ALK: variants seen among roughly 807,000 people sequenced by gnomAD.
ALK encodes the protein ALK tyrosine kinase receptor.
Under a neutral mutation model 163.1 loss-of-function variants are expected in ALK, and 74 were observed. The observed-to-expected ratio is 0.45, with a 90% CI of 0.38 to 0.55. The LOEUF (loss-of-function observed/expected upper bound fraction) is 0.55, where lower values mean the gene tolerates loss of function less well. Ranked by LOEUF, ALK falls within the 20% of genes least tolerant of loss-of-function variation. The pLI, the probability that ALK is intolerant of heterozygous loss-of-function variation, is 0.00. For missense variants in ALK, 2,063 were observed against 2,105.3 expected (o/e 0.98, Z 0.39); for synonymous variants, 960 against 843.2 (o/e 1.14, Z -2.40).
chr2:29,300,886 A>T (rs1219725882), intron 8 of ALK, among the ~76,000 whole-genome samples: 1 of 152,214 alleles, frequency 6.6e-6, no homozygotes, highest in African/African-American at 2.4e-5. Flanking sequence ...CTCTCATTTC[A>T]GGCTTTCCAT....
At chr2:29,534,297 T>A (rs1042908898) in intron 3 of ALK, among the ~76,000 whole-genome samples, 2 of 152,316 alleles carry the variant, frequency 1.3e-5, no homozygotes, top group East Asian at 1.9e-4. Flanking sequence ...AGAATGTGAC[T>A]AAATGCAAAT....
At chr2:29,883,799 AT>A (rs1358398674) in intron 1 of ALK, among the ~76,000 whole-genome samples, 4 of 152,212 alleles carry the variant, frequency 2.6e-5, no homozygotes. Context: ...ATATTGGAAA[AT>A]TTTTTGGAGA....
intron 1 of ALK, among the ~76,000 whole-genome samples, chr2:29,751,671 G>T (rs1328195288): frequency 6.6e-6 from 1 of 152,128 alleles, no homozygotes; most frequent in Non-Finnish European, 1.5e-5. Context: ...CTTGTATGAA[G>T]CACCATTTTA....
At chr2:29,614,886 A>G (rs542143476) in intron 3 of ALK, among the ~76,000 whole-genome samples, 1 of 152,312 alleles carries the variant, frequency 6.6e-6, no homozygotes, top group Admixed American at 6.5e-5. Context: ...AGTTGAGCAC[A>G]TTCTCCAGCC....
At chr2:29,571,849 C>T (rs1296496023) in intron 3 of ALK, among the ~76,000 whole-genome samples, 2 of 151,938 alleles carry the variant, frequency 1.3e-5, no homozygotes, top group Non-Finnish European at 2.9e-5. Flanking sequence ...CTCCTGACCT[C>T]GTGATCCACC....
chr2:29,296,745 G>A (rs974731124), intron 9 of ALK, 143 bp downstream of exon 9: 61 of 864,574 alleles, frequency 7.1e-5, no homozygotes, highest in African/African-American at 6.3e-4. Context: ...GTGTGTGCAC[G>A]TGCGTGCACG....
intron 3 of ALK, among the ~76,000 whole-genome samples, chr2:29,692,043 T>A (rs1365193689): frequency 6.6e-6 from 1 of 152,172 alleles, no homozygotes. Context: ...GGTGGCTGAA[T>A]GGGAGTAAGT....
intron 4 of ALK, among the ~76,000 whole-genome samples, chr2:29,481,116 G>A (rs985009436): frequency 1.3e-5 from 2 of 152,222 alleles, no homozygotes; most frequent in Non-Finnish European, 2.9e-5. Context: ...AGACCTGAGC[G>A]ATTATTCTCG....
At chr2:29,343,513 C>T (rs1210063907) in intron 5 of ALK, among the ~76,000 whole-genome samples, 1 of 152,194 alleles carries the variant, frequency 6.6e-6, no homozygotes, top group African/African-American at 2.4e-5. Context: ...CCGCACCAGG[C>T]CACCTGAGTG....
chr2:29,395,818 T>C (rs1232189267), intron 4 of ALK, among the ~76,000 whole-genome samples: 1 of 152,174 alleles, frequency 6.6e-6, no homozygotes, highest in South Asian at 2.1e-4. Flanking sequence ...CAGGCCTTTT[T>C]GGGGTCCCCC....
chr2:29,794,309 G>A (rs1302568697), intron 1 of ALK, among the ~76,000 whole-genome samples: 1 of 152,024 alleles, frequency 6.6e-6, no homozygotes, highest in Non-Finnish European at 1.5e-5. Flanking sequence ...ATTAAGCTTT[G>A]ACTTAAGGAA....
Position 29,383,871 on chromosome 2 carries a change from G to A in ALK, c.1155-12C>T, listed in dbSNP as rs956099492. 6 of 1,613,492 alleles carry A rather than the reference G, an allele frequency of 3.7e-6. 1 individual carries two copies. The highest frequency in any genetic ancestry group is 3.3e-5 in the Admixed American group (2 of 59,988). On this transcript the variant is annotated splice_polypyrimidine_tract_variant and intron_variant, in intron 4 of 28. Coordinates refer to ENST00000389048, the MANE Select transcript of ALK (RefSeq NM_004304.5). ...GGAGCACTGTCCAACTGGTTGCATT[G>A]GAAAACAGAGGAGAAAAGCATAGAG... is the stretch of plus-strand genomic sequence containing the variant.
rs561024840 is a variant in ALK at position 29,662,458 on chromosome 2, C to T, written c.952+32392G>A. Among the ~76,000 whole-genome samples, 24 of 152,160 alleles carry T rather than the reference C, an allele frequency of 1.6e-4. 1 individual carries two copies. The South Asian group carries it at 4.6e-3, about 29-fold the overall frequency. On this transcript the variant is annotated intron_variant, in intron 3 of 28. Coordinates refer to ENST00000389048, the MANE Select transcript of ALK (RefSeq NM_004304.5). ...AGTTGCCCCAAAAGTGAAATTTGGC[C>T]CCTTCCTTAAGTTTCATCCAAAAGG... is the stretch of plus-strand genomic sequence containing the variant.
chr2:29,695,538 C>T (rs1051592053), intron 2 of ALK, among the ~76,000 whole-genome samples: 2 of 152,116 alleles, frequency 1.3e-5, no homozygotes, highest in Non-Finnish European at 2.9e-5. Context: ...AATGTATGTG[C>T]GGCTTACAAC....
intron 3 of ALK, among the ~76,000 whole-genome samples, chr2:29,604,126 C>A (rs978589859): frequency 6.6e-6 from 1 of 150,792 alleles, no homozygotes; most frequent in Non-Finnish European, 1.5e-5. Context: ...TGGCCCACTA[C>A]CTATTTTTGT....
intron 8 of ALK, among the ~76,000 whole-genome samples, chr2:29,300,921 C>T (rs11899818): frequency 0.013 from 1,949 of 152,162 alleles, 41 homozygotes; most frequent in African/African-American, 0.044. Flanking sequence ...AGTTTGGAGG[C>T]GGCAGGAGAG....
intron 5 of ALK, among the ~76,000 whole-genome samples, chr2:29,361,033 C>T (rs1668373977): frequency 6.6e-6 from 1 of 152,218 alleles, no homozygotes; most frequent in Non-Finnish European, 1.5e-5. Flanking sequence ...GGCCCCGAGG[C>T]CATGCTGTCA....
chr2:29,840,917 A>T (rs1476525117), intron 1 of ALK, among the ~76,000 whole-genome samples: 1 of 152,210 alleles, frequency 6.6e-6, no homozygotes, highest in African/African-American at 2.4e-5. Flanking sequence ...CAAGATTTCA[A>T]TCTAAGTCTT....
intron 5 of ALK, among the ~76,000 whole-genome samples, chr2:29,352,405 A>G (rs1201503878): frequency 3.3e-5 from 5 of 152,368 alleles, no homozygotes; most frequent in Non-Finnish European, 7.3e-5. Flanking sequence ...TGGTCACGAA[A>G]GAAGTGCCCT....
Sources: gnomAD v4.1 joint callset for allele counts (sites outside exome capture counted in the v4.1 genomes callset) on GRCh38, gnomAD v4.1.1 for gene constraint, MANE v1.5 for transcripts, NCBI Gene and HGNC (gene_info 2026-07-23, HGNC 2026-07-21) for gene names.